The following SYPL1 variants were observed in gnomAD, a reference collection of about 807,000 sequenced individuals.
SYPL1 encodes the protein synaptophysin-like protein 1.
Under a neutral mutation model 23.7 loss-of-function variants are expected in SYPL1, and 6 were observed. The ratio of observed to expected loss-of-function variants is 0.25; its 90% CI spans 0.14 to 0.50. The LOEUF (loss-of-function observed/expected upper bound fraction) is 0.50. Among genes scored for constraint, SYPL1 ranks in the 20% least tolerant of loss-of-function variants. The probability of loss-of-function intolerance (pLI) is 0.98; values close to 1 mark genes in which losing one functional copy is unlikely to be tolerated. For missense variants in SYPL1, 253 were observed against 288.9 expected, an observed-to-expected ratio of 0.88 and a Z score of 0.90; for synonymous variants, 102 against 104.5, an observed-to-expected ratio of 0.98 and a Z score of 0.15.
intron 2 of SYPL1, among the ~76,000 whole-genome samples, 162 bp downstream of exon 2, chr7:106,098,996 G>A (rs1227385332): frequency 6.6e-6 from 1 of 152,188 alleles, no homozygotes; most frequent in Non-Finnish European, 1.5e-5. Context: ...TTTTAGACAG[G>A]CATGGGTCTG....
At position 106,096,473 on chromosome 7, in the gene SYPL1, T is replaced by A. The variant is rs1233495460; in HGVS notation, c.402+1217A>T. On this transcript the variant is annotated intron_variant, in intron 3 of 4. Transcript: ENST00000455385. The surrounding 1 kb of genome is among the most constrained non-coding windows in gnomAD (Gnocchi z 4.4). ...CAGTATCACACATAAAAAACACCTC[T>A]GTTTTCCCTTTAAGTCACTAATAAC... Among the ~76,000 whole-genome samples, 2 of 152,236 alleles carry A rather than the reference T, an allele frequency of 1.3e-5. No individual in the cohort carries two copies. The highest frequency in any genetic ancestry group is 3.8e-4 in the East Asian group (2 of 5,204).
rs751109605 is a variant in SYPL1, at chr7:106,091,141, G to A, written c.*664C>T. ...AGCCTATTAAACCACTAGCATAACAGATCATATCTCATGAAACAGAATTAC... is the reference window on the plus strand; with the variant it reads ...AGCCTATTAAACCACTAGCATAACAAATCATATCTCATGAAACAGAATTAC... On this transcript the variant is annotated 3_prime_UTR_variant, in exon 5 of 5. Transcript: ENST00000455385. The surrounding 1 kb of genome is among the most constrained non-coding windows in gnomAD (Gnocchi z 5.0). 1.3e-5 allele frequency: 2 copies of A among 152,078 alleles called. No homozygotes were observed. Among genetic ancestry groups the A allele is most frequent in the African/African-American group, 2.4e-5 (1 of 41,400 alleles). 9.4% of individuals were successfully genotyped at this position (152,078 alleles called of 1,614,324 possible). A position where few individuals can be genotyped will look rare whatever the true frequency, so the allele number is the denominator to read the frequency against.
At chr7:106,101,892 T>A (rs1008587422) in intron 1 of SYPL1, among the ~76,000 whole-genome samples, 1 of 151,720 alleles carries the variant, frequency 6.6e-6, no homozygotes, top group Non-Finnish European at 1.5e-5. Context: ...CAGAGTTGAT[T>A]TGTAGATCAC....
At position 106,097,595 on chromosome 7, in the gene SYPL1, G is replaced by T; in HGVS notation, c.402+95C>A. 1.7e-6 allele frequency: 2 copies of T among 1,166,214 alleles called. No individual in the cohort carries two copies. Among genetic ancestry groups the T allele is most frequent in the South Asian group, 1.8e-5 (1 of 56,952 alleles). The allele number at this position is 1,166,214 out of a possible 1,614,324, so 72.2% of individuals were successfully genotyped here. A position where few individuals can be genotyped will look rare whatever the true frequency, so the allele number is the denominator to read the frequency against. On this transcript the variant is annotated intron_variant, in intron 3 of 4. Transcript: ENST00000455385. The surrounding 1 kb of genome is among the most constrained non-coding windows in gnomAD (Gnocchi z 4.6). ...AACACAGGCTAAAATATGCTGAACT[G>T]GCTTACACCAAGAATTTTTATTTCC...
In SYPL1 at chr7:106,096,397, A is replaced by G. The variant is rs1445341007; in HGVS notation, c.402+1293T>C. On this transcript the variant is annotated intron_variant, in intron 3 of 4. Transcript: ENST00000455385. The surrounding 1 kb of genome is among the most constrained non-coding windows in gnomAD (Gnocchi z 4.4). ...CATATTTAAATAGCCTTCCCTTTAA[A>G]GTAACTTCACAAATAATTAGCAGAT... 6.6e-6 allele frequency: 1 copy of G among 152,240 alleles called. No homozygotes were observed. 9.4% of individuals were successfully genotyped at this position (152,240 alleles called of 1,614,324 possible).
At chr7:106,112,023 G>C in intron 1 of SYPL1, 117 bp downstream of exon 1, 1 of 1,142,652 alleles carries the variant, frequency 8.8e-7, no homozygotes, top group Non-Finnish European at 1.1e-6. Context: ...CAGTCCCGGG[G>C]CGGCGGCCTC....
rs548118243 is a variant in SYPL1 at position 106,100,965 on chromosome 7, C to A, written c.70-1683G>T. Reference sequence around the variant, plus strand: ...CTGTATACACAAACTGCTTTCCATGCGATACCTTTAATGACACGGGATAAA... The same window carrying A: ...CTGTATACACAAACTGCTTTCCATGAGATACCTTTAATGACACGGGATAAA... On this transcript the variant is annotated intron_variant, in intron 1 of 4. Transcript: ENST00000455385. The surrounding 1 kb of genome is among the most constrained non-coding windows in gnomAD (Gnocchi z 5.1). Among the ~76,000 whole-genome samples the A allele has an allele frequency of 6.6e-6, 1 of 152,178 alleles. No individual in the cohort carries two copies. The highest frequency in any genetic ancestry group is 1.5e-5 in the Non-Finnish European group (1 of 68,040).
At chr7:106,098,184 T>C (rs971572576) in intron 2 of SYPL1, among the ~76,000 whole-genome samples, 1 of 152,244 alleles carries the variant, frequency 6.6e-6, no homozygotes, top group African/African-American at 2.4e-5. Context: ...GGAGAGATTA[T>C]ACCAAATGGT....
At position 106,097,428 on chromosome 7, in the gene SYPL1, T is replaced by G. The variant is rs1315946451; in HGVS notation, c.402+262A>C. The stretch of plus-strand genomic sequence containing the variant: ...ATTTCGACTTAATTTTTTTGCTATT[T>G]GTAACCTGATGTGCTTTATTACATA... On this transcript the variant is annotated intron_variant, in intron 3 of 4. Coordinates refer to ENST00000455385, the MANE Select transcript of SYPL1 (RefSeq NM_182715.4). This position sits in a 1 kb window ranked among gnomAD's most constrained non-coding sequence, Gnocchi z 4.6. Among the ~76,000 whole-genome samples the G allele has an allele frequency of 6.6e-6, 1 of 152,192 alleles. No individual in the cohort carries two copies. Among genetic ancestry groups the G allele is most frequent in the East Asian group, 1.9e-4 (1 of 5,200 alleles).
At chr7:106,103,857 C>T (rs1308071616) in intron 1 of SYPL1, among the ~76,000 whole-genome samples, 1 of 152,142 alleles carries the variant, frequency 6.6e-6, no homozygotes, top group Non-Finnish European at 1.5e-5. Context: ...CTGATCATGT[C>T]CTTCCCATTT....
chr7:106,097,894 C>A lies in SYPL1; in HGVS notation c.198G>T (p.Leu66Phe). ...GAGGTGGCTGAAATGATGCCTCATT[C>A]AACCTATTAAAATAAATGTATGAAT... Reference protein sequence around the residue: ...VTATFGYPFRLNEASFQPPPG... With the variant: ...VTATFGYPFRFNEASFQPPPG... Residue 66 changes from leucine (L) to phenylalanine (F), a missense_variant, in exon 3 of 5, where the codon TTG becomes TTT. Physicochemically the swap from Leu to Phe is conservative, Grantham distance 22. Coordinates refer to ENST00000455385, the MANE Select transcript of SYPL1 (RefSeq NM_182715.4). The surrounding 1 kb of genome is among the most constrained non-coding windows in gnomAD (Gnocchi z 4.6). The A allele has an allele frequency of 6.2e-7, 1 of 1,609,826 alleles. No homozygotes were observed.
In SYPL1 at chr7:106,093,099, C is replaced by A; in HGVS notation, c.441G>T (p.Leu147Phe). ...VVTLVATFLW[L>F]VSTSAWAKAL... ...CTTTAGCCCAGGCTGAAGTGCTCACCAACCACAAAAAAGTGGCAACAAGTG... is the reference window on the plus strand; with the variant it reads ...CTTTAGCCCAGGCTGAAGTGCTCACAAACCACAAAAAAGTGGCAACAAGTG... Residue 147 changes from leucine (L) to phenylalanine (F), a missense_variant, in exon 4 of 5, where the codon TTG becomes TTT. Coordinates refer to ENST00000455385, the MANE Select transcript of SYPL1 (RefSeq NM_182715.4). 1 of 1,609,994 alleles carries A rather than the reference C, an allele frequency of 6.2e-7. No individual in the cohort carries two copies. The highest frequency in any genetic ancestry group is 2.2e-5 in the East Asian group (1 of 44,808).
In SYPL1 at chr7:106,109,298, A is replaced by T. The variant is rs1050098923; in HGVS notation, c.69+2842T>A. Reference sequence around the variant, plus strand: ...CATCTTCACAGTCAAACAGCGGTTTATGCTGTCTTCACTTTCTTACCACAC... The same window carrying T: ...CATCTTCACAGTCAAACAGCGGTTTTTGCTGTCTTCACTTTCTTACCACAC... On this transcript the variant is annotated intron_variant, in intron 1 of 4. Coordinates refer to ENST00000455385, the MANE Select transcript of SYPL1 (RefSeq NM_182715.4). This position sits in a 1 kb window ranked among gnomAD's most constrained non-coding sequence, Gnocchi z 4.3. 6.6e-6 allele frequency among the ~76,000 whole-genome samples: 1 copy of T among 152,206 alleles called. No homozygotes were observed. The highest frequency in any genetic ancestry group is 6.5e-5 in the Admixed American group (1 of 15,276).
At position 106,092,248 on chromosome 7, in the gene SYPL1, T is replaced by C. The variant is rs530879073; in HGVS notation, c.592-309A>G. Among the ~76,000 whole-genome samples, 3 of 152,306 alleles carry C rather than the reference T, an allele frequency of 2.0e-5. No individual in the cohort carries two copies. In the South Asian group the frequency reaches 6.2e-4, roughly 32 times the overall value. Reference sequence around the variant, plus strand: ...CCTATTTAGAATGATTATCAACTGCTTGTGTAACTTTTCCCATTTACTTAT... The same window carrying C: ...CCTATTTAGAATGATTATCAACTGCCTGTGTAACTTTTCCCATTTACTTAT... On this transcript the variant is annotated intron_variant, in intron 4 of 4. Coordinates refer to ENST00000455385, the MANE Select transcript of SYPL1 (RefSeq NM_182715.4).
chr7:106,098,397 G>A (rs1177520384), intron 2 of SYPL1, among the ~76,000 whole-genome samples: 1 of 152,176 alleles, frequency 6.6e-6, no homozygotes, highest in African/African-American at 2.4e-5. Context: ...TGTGAGAAGT[G>A]TCTAGGAGAA....
intron 4 of SYPL1, 117 bp from the exon 5 acceptor site, chr7:106,092,056 T>C (rs1839759833): frequency 9.8e-7 from 1 of 1,021,574 alleles, no homozygotes; most frequent in South Asian, 1.7e-5. Context: ...TACGCCATTA[T>C]TTCACTTAAA....
chr7:106,111,981 G>A, intron 1 of SYPL1, 159 bp downstream of exon 1: 5 of 960,960 alleles, frequency 5.2e-6, no homozygotes, highest in Non-Finnish European at 6.5e-6. Context: ...GGCCCAGGCC[G>A]CGGCCTCCCT....
intron 3 of SYPL1, among the ~76,000 whole-genome samples, chr7:106,094,413 G>A (rs539934509): frequency 1.3e-5 from 2 of 152,294 alleles, no homozygotes; most frequent in African/African-American, 4.8e-5. Flanking sequence ...GAATACTTAG[G>A]ATTAGAGAAC....
chr7:106,106,753 G>A (rs1840627083), intron 1 of SYPL1, among the ~76,000 whole-genome samples: 1 of 151,906 alleles, frequency 6.6e-6, no homozygotes, highest in Non-Finnish European at 1.5e-5. Context: ...ACTGAAGTGA[G>A]AGAAAAGCTT....
Sources: gnomAD v4.1 joint callset for allele counts (sites outside exome capture counted in the v4.1 genomes callset) on GRCh38, gnomAD v4.1.1 for gene constraint, Gnocchi (gnomAD v3.1) non-coding constraint, MANE v1.5 for transcripts, NCBI Gene and HGNC (gene_info 2026-07-23, HGNC 2026-07-21) for gene names.